The following PLAGL1 variants were observed in gnomAD, a reference collection of about 807,000 sequenced individuals.
The protein encoded by PLAGL1 is zinc finger protein PLAGL1.
A neutral mutation model predicts 4.6 loss-of-function variants in PLAGL1; 1 was observed. The ratio of observed to expected loss-of-function variants is 0.22; its 90% confidence interval spans 0.08 to 1.03. PLAGL1 has a LOEUF of 1.03. PLAGL1 is among the 50% of genes least tolerant of loss of function. PLAGL1 has a pLI of 0.58. For synonymous variants in PLAGL1, 240 were observed against 237.8 expected, an observed-to-expected ratio of 1.01 and a Z score of -0.08; for missense variants, 464 against 570.4, an observed-to-expected ratio of 0.81 and a Z score of 1.90.
intron 1 of PLAGL1, among the ~76,000 whole-genome samples, chr6:144,019,425 T>C (rs894713866): frequency 5.3e-5 from 8 of 151,732 alleles, no homozygotes; most frequent in Non-Finnish European, 7.4e-5. Context: ...TGAGCCGATA[T>C]GGCGCCACTG....
In PLAGL1 at chr6:144,054,776, A is replaced by AGTGTGTGTGTGTGTGTGT. The variant is rs55975441; in HGVS notation, c.-151+9674_-151+9691dup. 3.3e-3 allele frequency among the ~76,000 whole-genome samples: 470 copies of AGTGTGTGTGTGTGTGTGT among 142,266 alleles called. 2 individuals are homozygous for AGTGTGTGTGTGTGTGTGT. Among genetic ancestry groups the AGTGTGTGTGTGTGTGTGT allele is most frequent in the Non-Finnish European group, 5.6e-3 (361 of 64,630 alleles). 93.3% of individuals were successfully genotyped at this position (142,266 alleles called of 152,430 possible). A position where few individuals can be genotyped will look rare whatever the true frequency, so the allele number is the denominator to read the frequency against. On this transcript the variant is annotated intron_variant, in intron 1 of 3. Coordinates refer to the PLAGL1 transcript ENST00000437412. ...AAAAGAAAAAGAAAAACTAAAAAAGAGTGTGTGTGTGTGTGTGTGTGTGTG... is the reference window on the plus strand; with the variant it reads ...AAAAGAAAAAGAAAAACTAAAAAAGAGTGTGTGTGTGTGTGTGTGTGTGTGTGTGTGTGTGTGTGTGTG...
Position 144,056,520 on chromosome 6 carries a change from C to T in PLAGL1, c.-151+7948G>A, listed in dbSNP as rs781478930. Reference sequence around the variant, plus strand: ...CTCTTTCACCCCTAGCCCTTGACAGCCACTGATCTTTTTATTGCCTCCATA... The same window carrying T: ...CTCTTTCACCCCTAGCCCTTGACAGTCACTGATCTTTTTATTGCCTCCATA... On this transcript the variant is annotated intron_variant, in intron 1 of 3. Transcript: ENST00000437412. This position sits in a 1 kb window ranked among gnomAD's most constrained non-coding sequence, Gnocchi z 4.7. Among the ~76,000 whole-genome samples the T allele has an allele frequency of 2.0e-5, 3 of 152,216 alleles. No individual in the cohort carries two copies. The highest frequency in any genetic ancestry group is 2.9e-5 in the Non-Finnish European group (2 of 68,040).
chr6:144,050,698 T>C lies in PLAGL1; in HGVS notation c.-151+13770A>G, dbSNP rs1798516884. ...TGAGGCCAGGAGTTTGAGACCAACC[T>C]GGGAAACATAGTGAGACCCTGTTTC... On this transcript the variant is annotated intron_variant, in intron 1 of 3. Coordinates refer to the PLAGL1 transcript ENST00000437412. This position sits in a 1 kb window ranked among gnomAD's most constrained non-coding sequence, Gnocchi z 4.3. 6.6e-6 allele frequency among the ~76,000 whole-genome samples: 1 copy of C among 152,176 alleles called. No homozygotes were observed. The highest frequency in any genetic ancestry group is 2.1e-4 in the South Asian group (1 of 4,826).
At position 143,983,431 on chromosome 6, in the gene PLAGL1, GGA is replaced by G; in HGVS notation, c.-544+1702_-544+1703del. On this transcript the variant is annotated intron_variant, in intron 2 of 7. Coordinates refer to ENST00000674357, the MANE Select transcript of PLAGL1 (RefSeq NM_001317162.2). This position sits in a 1 kb window ranked among gnomAD's most constrained non-coding sequence, Gnocchi z 6.6. ...CAGGGAGGTGGGAATGCATGATGCA[GGA>G]GAGAGAAGGGACAACTACTGTAGCT... is the stretch of plus-strand genomic sequence containing the variant. Among the ~76,000 whole-genome samples, 1 of 152,258 alleles carries G rather than the reference GGA, an allele frequency of 6.6e-6. No homozygotes were observed. Among genetic ancestry groups the G allele is most frequent in the Non-Finnish European group, 1.5e-5 (1 of 68,010 alleles).
chr6:144,041,666 A>G (rs572982069), intron 1 of PLAGL1, among the ~76,000 whole-genome samples: 1 of 152,330 alleles, frequency 6.6e-6, no homozygotes, highest in African/African-American at 2.4e-5. Flanking sequence ...GTGTCTTCAT[A>G]GTAGCATGAT....
At chr6:143,951,889 A>G (rs972046910) in intron 6 of PLAGL1, among the ~76,000 whole-genome samples, 11 of 152,360 alleles carry the variant, frequency 7.2e-5, no homozygotes, top group Non-Finnish European at 1.6e-4. Context: ...TAAGTTAGTT[A>G]TATAATAGTG....
In PLAGL1 at chr6:144,064,481, TC is replaced by T. The variant is rs1031276653; in HGVS notation, c.-165del. The T allele has an allele frequency of 3.3e-5, 5 of 151,932 alleles. No homozygotes were observed. The highest frequency in any genetic ancestry group is 6.6e-5 in the Admixed American group (1 of 15,244). The allele number at this position is 151,932 out of a possible 1,614,324, so 9.4% of individuals were successfully genotyped here. A position where few individuals can be genotyped will look rare whatever the true frequency, so the allele number is the denominator to read the frequency against. Reference sequence around the variant, plus strand: ...TTTCCTACCTACCCGCCGCCAAGTTTCCCCCGCTTGGAAAGTTCTGGAGTCC... The same window carrying T: ...TTTCCTACCTACCCGCCGCCAAGTTTCCCCGCTTGGAAAGTTCTGGAGTCC... On this transcript the variant is annotated 5_prime_UTR_variant, in exon 1 of 4. Coordinates refer to the PLAGL1 transcript ENST00000437412. This position sits in a 1 kb window ranked among gnomAD's most constrained non-coding sequence, Gnocchi z 6.8.
intron 1 of PLAGL1, among the ~76,000 whole-genome samples, chr6:144,047,525 G>T (rs1290202545): frequency 1.3e-5 from 2 of 152,120 alleles, no homozygotes; most frequent in Non-Finnish European, 2.9e-5. Flanking sequence ...TTACAATCAT[G>T]GCAGAAGGGG....
In PLAGL1 at chr6:143,960,008, T is replaced by A. The variant is rs888892396; in HGVS notation, c.-325+461A>T. 6.6e-5 allele frequency among the ~76,000 whole-genome samples: 10 copies of A among 152,332 alleles called. No homozygotes were observed. The highest frequency in any genetic ancestry group is 2.2e-4 in the African/African-American group (9 of 41,574). ...TAAAGCCTCAGGAAGTATGGCTGGA[T>A]TGCCTCATGTGGCTGGGATGCGACC... is the stretch of plus-strand genomic sequence containing the variant. On this transcript the variant is annotated intron_variant, in intron 6 of 7. Coordinates refer to ENST00000674357, the MANE Select transcript of PLAGL1 (RefSeq NM_001317162.2). The surrounding 1 kb of genome is among the most constrained non-coding windows in gnomAD (Gnocchi z 5.7).
rs1362554748 is a variant in PLAGL1 at position 143,994,734 on chromosome 6, A to G, written c.-583-9560T>C. The stretch of plus-strand genomic sequence containing the variant: ...TGTCCTCAAAATTCAAATGTTGAAA[A>G]CCCAAACCCTAATGTGACTGTATTT... On this transcript the variant is annotated intron_variant, in intron 1 of 7. Coordinates refer to ENST00000674357, the MANE Select transcript of PLAGL1 (RefSeq NM_001317162.2). This position sits in a 1 kb window ranked among gnomAD's most constrained non-coding sequence, Gnocchi z 4.3. 2.0e-5 allele frequency among the ~76,000 whole-genome samples: 3 copies of G among 152,146 alleles called. No homozygotes were observed. The highest frequency in any genetic ancestry group is 4.4e-5 in the Non-Finnish European group (3 of 68,020).
At chr6:143,981,722 T>C (rs1787999157) in intron 2 of PLAGL1, among the ~76,000 whole-genome samples, 2 of 152,204 alleles carry the variant, frequency 1.3e-5, no homozygotes, top group Non-Finnish European at 2.9e-5. Flanking sequence ...ACAAGATGGC[T>C]GGAAGCAGAG....
Position 143,962,721 on chromosome 6 carries a change from C to T in PLAGL1, c.-399+2066G>A, listed in dbSNP as rs1042566694. 6.6e-6 allele frequency among the ~76,000 whole-genome samples: 1 copy of T among 152,178 alleles called. No homozygotes were observed. The highest frequency in any genetic ancestry group is 2.4e-5 in the African/African-American group (1 of 41,448). ...AACCCACATTGAACAAAGGGATTTC[C>T]TTCCAGTTTCAGCTCATTCACTTCT... On this transcript the variant is annotated intron_variant, in intron 5 of 7. Coordinates refer to ENST00000674357, the MANE Select transcript of PLAGL1 (RefSeq NM_001317162.2). This position sits in a 1 kb window ranked among gnomAD's most constrained non-coding sequence, Gnocchi z 5.3.
rs1799596573 is a variant in PLAGL1 at position 144,063,517 on chromosome 6, C to A, written c.-151+951G>T. ...CTGGGAGGCGCCTCGGGTTAGGCAGCGACGCACAAAACATAAACCCTGTCA... is the reference window on the plus strand; with the variant it reads ...CTGGGAGGCGCCTCGGGTTAGGCAGAGACGCACAAAACATAAACCCTGTCA... On this transcript the variant is annotated intron_variant, in intron 1 of 3. Transcript: ENST00000437412. The surrounding 1 kb of genome is among the most constrained non-coding windows in gnomAD (Gnocchi z 5.7). Among the ~76,000 whole-genome samples, 1 of 152,174 alleles carries A rather than the reference C, an allele frequency of 6.6e-6. No individual in the cohort carries two copies. Among genetic ancestry groups the A allele is most frequent in the Non-Finnish European group, 1.5e-5 (1 of 68,024 alleles).
intron 1 of PLAGL1, among the ~76,000 whole-genome samples, chr6:144,060,726 A>C (rs1408163430): frequency 6.6e-6 from 1 of 152,158 alleles, no homozygotes; most frequent in Non-Finnish European, 1.5e-5. Context: ...CAAATTACCC[A>C]TTACCATTCT....
At chr6:144,035,354 A>G (rs563792411) in intron 1 of PLAGL1, among the ~76,000 whole-genome samples, 60 of 152,364 alleles carry the variant, frequency 3.9e-4, no homozygotes, top group African/African-American at 1.4e-3. Context: ...CCACTGGTGT[A>G]AGTCCAAGAG....
upstream of PLAGL1, among the ~76,000 whole-genome samples, chr6:144,011,305 C>G (rs1354984775): frequency 2.0e-5 from 3 of 152,170 alleles, no homozygotes; most frequent in African/African-American, 7.2e-5. The surrounding 1 kb of genome is among the most constrained non-coding windows in gnomAD (Gnocchi z 4.3). Flanking sequence ...TGAACAGACA[C>G]TTCTCAAAAG....
rs1431466878 is a variant in PLAGL1, at chr6:143,945,410, T to C, written c.152+2575A>G. Among the ~76,000 whole-genome samples the C allele has an allele frequency of 6.6e-6, 1 of 152,014 alleles. No individual in the cohort carries two copies. The highest frequency in any genetic ancestry group is 1.5e-5 in the Non-Finnish European group (1 of 68,036). Reference sequence around the variant, plus strand: ...GTCTCTAACTGGTTTCATTATATGCTGTACTGGGACCCACATTCTGTTTTC... The same window carrying C: ...GTCTCTAACTGGTTTCATTATATGCCGTACTGGGACCCACATTCTGTTTTC... On this transcript the variant is annotated intron_variant, in intron 7 of 7. Transcript: ENST00000674357. The surrounding 1 kb of genome is among the most constrained non-coding windows in gnomAD (Gnocchi z 4.2).
intron 1 of PLAGL1, among the ~76,000 whole-genome samples, chr6:144,024,282 T>C (rs1402820522): frequency 6.6e-6 from 1 of 152,176 alleles, no homozygotes; most frequent in African/African-American, 2.4e-5. Flanking sequence ...GGAGAAAGCA[T>C]TCATGTGAGG....
rs537053394 is a variant in PLAGL1, at chr6:143,957,884, A to G, written c.-325+2585T>C. On this transcript the variant is annotated intron_variant, in intron 6 of 7. Transcript: ENST00000674357. This position sits in a 1 kb window ranked among gnomAD's most constrained non-coding sequence, Gnocchi z 4.2. ...TATCTTGACACTGGATTTATAGATG[A>G]CCTCATTGTTTATTTTTTGAATATC... Among the ~76,000 whole-genome samples the G allele has an allele frequency of 6.6e-6, 1 of 152,322 alleles. No individual in the cohort carries two copies. Among genetic ancestry groups the G allele is most frequent in the South Asian group, 2.1e-4 (1 of 4,826 alleles).
Sources: allele counts gnomAD v4.1 joint callset (sites outside exome capture counted in the v4.1 genomes callset), GRCh38; gene constraint gnomAD v4.1.1; non-coding constraint Gnocchi (gnomAD v3.1); transcripts MANE v1.5; gene names NCBI Gene and HGNC (gene_info 2026-07-23, HGNC 2026-07-21).